Variants in TOPORS observed in about 807,000 individuals in gnomAD.
TOPORS encodes the protein E3 ubiquitin-protein ligase Topors.
TOPORS carries 25 observed loss-of-function variants against 81.4 expected under a neutral mutation model. That is an observed-to-expected ratio of 0.31 (90% CI 0.22 to 0.43). The LOEUF (loss-of-function observed/expected upper bound fraction) is 0.43, where lower values mean the gene tolerates loss of function less well. TOPORS is among the 20% of genes least tolerant of loss of function. TOPORS has a pLI of 1.00. For synonymous variants in TOPORS, 473 were observed against 456.6 expected (o/e 1.04, Z -0.46); for missense variants, 1,101 against 1,267.0 (o/e 0.87, Z 1.99).
intron 2 of TOPORS, among the ~76,000 whole-genome samples, chr9:32,547,703 G>C (rs1057474349): frequency 6.6e-6 from 1 of 152,176 alleles, no homozygotes; most frequent in African/African-American, 2.4e-5. Context: ...GCAGTAAAGA[G>C]GTTTATTTCT....
At position 32,550,798 on chromosome 9, in the gene TOPORS, G is replaced by A. The variant is rs767735139; in HGVS notation, c.174C>T (p.Ala58=). 3.7e-6 allele frequency: 6 copies of A among 1,612,694 alleles called. No homozygotes were observed. In the South Asian group the frequency reaches 4.4e-5, roughly 12 times the overall value. The change falls in exon 2 of 3, where the codon GCC becomes GCT. Residue 58 remains alanine, a synonymous_variant. Transcript: ENST00000360538. ...GCRELAASAP[A]RPAPASSEIM... The stretch of plus-strand genomic sequence containing the variant: ...CCTCGGAGGATGCCGGCGCAGGCCT[G>A]GCTGGGGCGCTCGCCGCGAGCTCCC...
In TOPORS at chr9:32,542,070, T is replaced by C. The variant is rs768332878; in HGVS notation, c.2455A>G (p.Lys819Glu). The change falls in exon 3 of 3, where the codon AAA becomes GAA. Residue 819 changes from lysine to glutamate, a missense_variant. By Grantham distance (56) the Lys-to-Glu change is moderately conservative. This residue lies in a region of TOPORS where 605 missense variants were observed against 636.1 expected (regional missense o/e 0.95). Coordinates refer to ENST00000360538, the MANE Select transcript of TOPORS (RefSeq NM_005802.5). ...VAQPSREFASKAKDSHYQKSS... is the reference protein window; with the variant it reads ...VAQPSREFASEAKDSHYQKSS... ...TTTTGGTAATGACTGTCCTTTGCTT[T>C]AGAAGCAAATTCACGAGATGGCTGA... The C allele has an allele frequency of 6.8e-6, 11 of 1,614,040 alleles. No homozygotes were observed. The Admixed American group carries it at 1.8e-4, about 27-fold the overall frequency.
chr9:32,552,354 GC>G, intron 1 of TOPORS, 79 bp downstream of exon 1: 1 of 1,567,322 alleles, frequency 6.4e-7, no homozygotes, highest in Non-Finnish European at 8.7e-7. Context: ...GGCTGCTGGC[GC>G]CTGGCAGCCA....
Position 32,543,707 on chromosome 9 carries a change from T to C in TOPORS, c.818A>G (p.Glu273Gly). The C allele has an allele frequency of 6.2e-7, 1 of 1,613,132 alleles. No homozygotes were observed. Among genetic ancestry groups the C allele is most frequent in the Non-Finnish European group, 8.5e-7 (1 of 1,179,654 alleles). Reference sequence around the variant, plus strand: ...AATATCCCTGTAGCGGCCACCATCTTCAATATTTCTAACTCGAGCACCAGC... The same window carrying C: ...AATATCCCTGTAGCGGCCACCATCTCCAATATTTCTAACTCGAGCACCAGC... ...YRAGARVRNIEDGGRYRDISA... is the reference protein window; with the variant it reads ...YRAGARVRNIGDGGRYRDISA... The change falls in exon 3 of 3, where the codon GAA (glutamate) becomes GGA (glycine). Residue 273 changes from glutamate (E) to glycine (G), a missense_variant. By Grantham distance (98) the Glu-to-Gly change is moderately conservative. Around this residue, in one of 9 missense-constraint regions of TOPORS, gnomAD observed 69 missense variants for 153.6 expected, o/e 0.45. Transcript: ENST00000360538. The surrounding 1 kb of genome is among the most constrained non-coding windows in gnomAD (Gnocchi z 5.6).
chr9:32,541,972 TCTGTCTGATGATCGG>T lies in TOPORS; in HGVS notation c.2538_2552del (p.Ser846_Asp850del), dbSNP rs1350523501. 8 of 1,613,590 alleles carry T rather than the reference TCTGTCTGATGATCGG, an allele frequency of 5.0e-6. No individual in the cohort carries two copies. Among genetic ancestry groups the T allele is most frequent in the South Asian group, 3.3e-5 (3 of 90,976 alleles). On this transcript the variant is annotated inframe_deletion, in exon 3 of 3. Coordinates refer to ENST00000360538, the MANE Select transcript of TOPORS (RefSeq NM_005802.5). ...TTTTTCTCCTTTTGTGTTTTGTCTC[TCTGTCTGATGATCGG>T]CTGTCTGAAAAGGTATCACTCTCAT...
chr9:32,551,445 T>A, intron 1 of TOPORS: 1 of 287,214 alleles, frequency 3.5e-6, no homozygotes, highest in African/African-American at 2.2e-5. Context: ...TCCTATAAAG[T>A]CTTCAGAGAG....
Position 32,542,744 on chromosome 9 carries a change from C to G in TOPORS, c.1781G>C (p.Arg594Thr). The G allele has an allele frequency of 1.2e-6, 2 of 1,614,042 alleles. No homozygotes were observed. Among genetic ancestry groups the G allele is most frequent in the Non-Finnish European group, 1.7e-6 (2 of 1,180,034 alleles). ...TGAATCTGAACTTCTTGATCTTCCCCTCTTTCTGTGTCTATGGTTATATGG... is the reference window on the plus strand; with the variant it reads ...TGAATCTGAACTTCTTGATCTTCCCGTCTTTCTGTGTCTATGGTTATATGG... ...YSPYNHRHRK[R>T]GRSRSSDSRS... is the part of the protein sequence containing the mutation. The change falls in exon 3 of 3, where the codon AGG becomes ACG. Residue 594 changes from arginine to threonine, a missense_variant. By Grantham distance (71) the Arg-to-Thr change is moderately conservative (BLOSUM62 -1). Coordinates refer to ENST00000360538, the MANE Select transcript of TOPORS (RefSeq NM_005802.5).
At chr9:32,552,364 C>T (rs781781921) in intron 1 of TOPORS, 70 bp downstream of exon 1, 34 of 1,587,236 alleles carry the variant, frequency 2.1e-5, no homozygotes, top group Non-Finnish European at 2.9e-5. Context: ...GCCTGGCAGC[C>T]ACCGCCTGGG....
Position 32,550,827 on chromosome 9 carries a change from A to G in TOPORS, c.145T>C (p.Cys49Arg). The G allele has an allele frequency of 6.2e-7, 1 of 1,612,834 alleles. No homozygotes were observed. The highest frequency in any genetic ancestry group is 8.5e-7 in the Non-Finnish European group (1 of 1,179,710). Residue 49 changes from cysteine (C) to arginine (R), a missense_variant, in exon 2 of 3, where the codon TGC (cysteine) becomes CGC (arginine). By Grantham distance (180) the Cys-to-Arg change is radical. Around this residue, in one of 9 missense-constraint regions of TOPORS, gnomAD observed 131 missense variants for 101.0 expected, o/e 1.30. Transcript: ENST00000360538. ...GGGGCGCTCGCCGCGAGCTCCCGGC[A>G]GCCCAGAAAGCTAGGTCGGTGTCGG... ...SCRHRPSFLG[C>R]RELAASAPAR...
chr9:32,550,904 G>A lies in TOPORS; in HGVS notation c.68C>T (p.Pro23Leu), dbSNP rs1280716906. 5 of 1,612,840 alleles carry A rather than the reference G, an allele frequency of 3.1e-6. No homozygotes were observed. In the South Asian group the frequency reaches 3.3e-5, roughly 11 times the overall value. ...REEGEAPPPA[P>L]ASEGRRRSRR... ...ACTTCTCCGCCTACCCTCCGAAGCG[G>A]GAGCAGGCGGGGGCGCTTCACCCTC... Residue 23 changes from proline (P) to leucine (L), a missense_variant, in exon 2 of 3, where the codon CCC becomes CTC. Around this residue, in one of 9 missense-constraint regions of TOPORS, gnomAD observed 131 missense variants for 101.0 expected, o/e 1.30. Transcript: ENST00000360538.
chr9:32,550,924 A>C lies in TOPORS; in HGVS notation c.48T>G (p.Gly16=), dbSNP rs1455224027. 6.2e-7 allele frequency: 1 copy of C among 1,612,448 alleles called. No homozygotes were observed. Among genetic ancestry groups the C allele is most frequent in the Non-Finnish European group, 8.5e-7 (1 of 1,179,768 alleles). Residue 16 remains glycine, a synonymous_variant, in exon 2 of 3, where the codon GGT becomes GGG. Coordinates refer to ENST00000360538, the MANE Select transcript of TOPORS (RefSeq NM_005802.5). ...AAGCGGGAGCAGGCGGGGGCGCTTC[A>C]CCCTCCTCGCGAGACAGCGGAGACC... is the stretch of plus-strand genomic sequence containing the variant. ...PLGSPLSREE[G]EAPPPAPASE...
chr9:32,542,303 A>C lies in TOPORS; in HGVS notation c.2222T>G (p.Val741Gly), dbSNP rs1821078004. The C allele has an allele frequency of 6.2e-7, 1 of 1,613,916 alleles. No individual in the cohort carries two copies. The highest frequency in any genetic ancestry group is 1.3e-5 in the African/African-American group (1 of 74,842). ...ATTTGTTCTTTCAGAAAAGGACTGAACTCTAAATTCTGGACTTGAAGACTG... is the reference window on the plus strand; with the variant it reads ...ATTTGTTCTTTCAGAAAAGGACTGACCTCTAAATTCTGGACTTGAAGACTG... The part of the protein sequence containing the change: ...SRQSSSPEFR[V>G]QSFSERTNAR... Residue 741 changes from valine to glycine, a missense_variant, in exon 3 of 3, where the codon GTT (valine) becomes GGT (glycine). Physicochemically the swap from Val to Gly is moderately radical, Grantham distance 109. Coordinates refer to ENST00000360538, the MANE Select transcript of TOPORS (RefSeq NM_005802.5).
chr9:32,545,919 G>T (rs1399919163), intron 2 of TOPORS, among the ~76,000 whole-genome samples: 2 of 152,050 alleles, frequency 1.3e-5, no homozygotes, highest in African/African-American at 2.4e-5. Flanking sequence ...AGACTCATTG[G>T]CCTTAACAAA....
At position 32,551,234 on chromosome 9, in the gene TOPORS, C is replaced by A. The variant is rs979342714; in HGVS notation, c.4-266G>T. On this transcript the variant is annotated intron_variant, in intron 1 of 2. Coordinates refer to ENST00000360538, the MANE Select transcript of TOPORS (RefSeq NM_005802.5). ...ACTGGGGACACTGACTGAATGTTCG[C>A]CCCTAACTTACCCGGAAAACACGAG... is the stretch of plus-strand genomic sequence containing the variant. The A allele has an allele frequency of 1.3e-4, 78 of 587,850 alleles. 1 individual carries two copies. The South Asian group carries it at 1.5e-3, about 12-fold the overall frequency. 36.4% of individuals were successfully genotyped at this position (587,850 alleles called of 1,614,324 possible).
chr9:32,543,447 G>A lies in TOPORS; in HGVS notation c.1078C>T (p.Arg360Ter). ...AAGGCTGCCATGTTAAAAGGAGATC[G>A]GGCAAAACTGATAAATTCATGTATA... ...HFIHEFISFARSPFNMAAFDQ... is the reference protein window; with the variant it reads ...HFIHEFISFA Residue 360 changes from arginine (R) to a stop codon, truncating the protein, a stop_gained, in exon 3 of 3, where the codon CGA (arginine) becomes TGA (stop). Coordinates refer to ENST00000360538, the MANE Select transcript of TOPORS (RefSeq NM_005802.5). LOFTEE classifies it high-confidence loss of function. This position sits in a 1 kb window ranked among gnomAD's most constrained non-coding sequence, Gnocchi z 5.6. 1 of 1,613,750 alleles carries A rather than the reference G, an allele frequency of 6.2e-7. No individual in the cohort carries two copies. Among genetic ancestry groups the A allele is most frequent in the Non-Finnish European group, 8.5e-7 (1 of 1,179,962 alleles).
At chr9:32,549,603 G>A (rs951143125) in intron 2 of TOPORS, among the ~76,000 whole-genome samples, 3 of 152,160 alleles carry the variant, frequency 2.0e-5, no homozygotes, top group African/African-American at 7.2e-5. Context: ...TCTATGTTAC[G>A]TGAACACGAA....
rs1207006658 is a variant in TOPORS, at chr9:32,543,502, T to C, written c.1023A>G (p.Arg341=). The stretch of plus-strand genomic sequence containing the variant: ...GCTCAGTTCGATTAAGTAAAAATGG[T>C]CTTAAATCAGACACAAATGCCTGAC... ...LESQAFVSDL[R]PFLLNRTEHF... Residue 341 remains arginine (R), a synonymous_variant, in exon 3 of 3, where the codon AGA becomes AGG. Coordinates refer to ENST00000360538, the MANE Select transcript of TOPORS (RefSeq NM_005802.5). The surrounding 1 kb of genome is among the most constrained non-coding windows in gnomAD (Gnocchi z 5.6). The C allele has an allele frequency of 3.7e-6, 6 of 1,613,722 alleles. No homozygotes were observed. The Admixed American group carries it at 5.0e-5, about 13-fold the overall frequency.
At chr9:32,547,554 TG>T (rs1304084004) in intron 2 of TOPORS, among the ~76,000 whole-genome samples, 1 of 152,142 alleles carries the variant, frequency 6.6e-6, no homozygotes, top group Non-Finnish European at 1.5e-5. Flanking sequence ...TGTTGTAACA[TG>T]GATGAAACTT....
chr9:32,552,071 T>C (rs1821283109), intron 1 of TOPORS, among the ~76,000 whole-genome samples: 1 of 149,736 alleles, frequency 6.7e-6, no homozygotes, highest in African/African-American at 2.5e-5. Flanking sequence ...GGATTGTTTT[T>C]CAAATTAACT....
Sources: allele counts gnomAD v4.1 joint callset (sites outside exome capture counted in the v4.1 genomes callset), GRCh38; gene constraint gnomAD v4.1.1; regional missense constraint gnomAD v4.1.1; non-coding constraint Gnocchi (gnomAD v3.1); transcripts MANE v1.5; gene names NCBI Gene and HGNC (gene_info 2026-07-23, HGNC 2026-07-21).